CRMP1: variants seen among roughly 807,000 people sequenced by gnomAD.
The protein encoded by CRMP1 is dihydropyrimidinase-related protein 1.
CRMP1 carries 19 observed loss-of-function variants against 68.3 expected under a neutral mutation model. The observed-to-expected ratio is 0.28, with a 90% CI of 0.19 to 0.41. The LOEUF is 0.41. CRMP1 is among the 10% of genes least tolerant of loss of function. The pLI, the probability that CRMP1 is intolerant of heterozygous loss-of-function variation, is 1.00. For missense variants in CRMP1, 791 were observed against 967.4 expected (o/e 0.82, Z 2.42); for synonymous variants, 439 against 399.6 (o/e 1.10, Z -1.18).
At chr4:5,868,290 T>TATATATATATATATATATATATATATAG (rs1205965019) in intron 1 of CRMP1, among the ~76,000 whole-genome samples, 3 of 131,394 alleles carry the variant, frequency 2.3e-5, no homozygotes, top group Admixed American at 7.3e-5. Flanking sequence ...TATATATATA[T>TATATATATATATATATATATATATATAG]ATATATATAT....
At position 5,860,357 on chromosome 4, in the gene CRMP1, A is replaced by G. The variant is rs28538242; in HGVS notation, c.655+669T>C. Among the ~76,000 whole-genome samples, 4,888 of 152,260 alleles carry G rather than the reference A, an allele frequency of 0.032. 242 individuals are homozygous for G. The highest frequency in any genetic ancestry group is 0.11 in the African/African-American group (4,389 of 41,528). On this transcript the variant is annotated intron_variant, in intron 3 of 13. Coordinates refer to ENST00000324989, the MANE Select transcript of CRMP1 (RefSeq NM_001014809.3). This position sits in a 1 kb window ranked among gnomAD's most constrained non-coding sequence, Gnocchi z 4.2. ...AGAATGGGAGACCCATGGTGCCTGA[A>G]TCCAACCCAAAGCTAAGCACAGCCA...
Position 5,842,428 on chromosome 4 carries a change from C to CAAAAAAAAAAAAAAAA in CRMP1, c.1032+649_1032+664dup, listed in dbSNP as rs71171489. Among the ~76,000 whole-genome samples the CAAAAAAAAAAAAAAAA allele has an allele frequency of 1.0e-5, 1 of 99,102 alleles. No individual in the cohort carries two copies. The highest frequency in any genetic ancestry group is 3.6e-5 in the African/African-American group (1 of 27,942). 65.0% of individuals were successfully genotyped at this position (99,102 alleles called of 152,430 possible). A position where few individuals can be genotyped will look rare whatever the true frequency, so the allele number is the denominator to read the frequency against. On this transcript the variant is annotated intron_variant, in intron 7 of 13. Coordinates refer to ENST00000324989, the MANE Select transcript of CRMP1 (RefSeq NM_001014809.3). The surrounding 1 kb of genome is among the most constrained non-coding windows in gnomAD (Gnocchi z 4.5). ...TGGGCAACAGAGAGAGACTCCATCTCAAAAAAAAAAAAAAAAAAAGAAAAG... is the reference window on the plus strand; with the variant it reads ...TGGGCAACAGAGAGAGACTCCATCTCAAAAAAAAAAAAAAAAAAAAAAAAAAAAAAAAAAAGAAAAG...
At chr4:5,867,978 C>A (rs898645275) in intron 1 of CRMP1, among the ~76,000 whole-genome samples, 2 of 152,004 alleles carry the variant, frequency 1.3e-5, no homozygotes, top group Non-Finnish European at 2.9e-5. Context: ...AGATGATGTT[C>A]TCCAAGGGAT....
rs771764807 is a variant in CRMP1, at chr4:5,841,261, C to CT, written c.1153+46dup. The stretch of plus-strand genomic sequence containing the variant: ...TGAACTTGAACCTGCAGGACACCCC[C>CT]TTCCAGGCCCCAGCTGCCCCCAGAA... On this transcript the variant is annotated intron_variant, in intron 8 of 13. Transcript: ENST00000324989. This position sits in a 1 kb window ranked among gnomAD's most constrained non-coding sequence, Gnocchi z 6.9. 9.2e-5 allele frequency: 149 copies of CT among 1,613,426 alleles called. 1 individual carries two copies. The highest frequency in any genetic ancestry group is 4.2e-4 in the South Asian group (38 of 91,052).
rs1182458806 is a variant in CRMP1, at chr4:5,866,336, A to G, written c.470+332T>C. 6.6e-6 allele frequency among the ~76,000 whole-genome samples: 1 copy of G among 152,176 alleles called. No individual in the cohort carries two copies. The highest frequency in any genetic ancestry group is 1.9e-4 in the East Asian group (1 of 5,188). On this transcript the variant is annotated intron_variant, in intron 2 of 13. Coordinates refer to ENST00000324989, the MANE Select transcript of CRMP1 (RefSeq NM_001014809.3). This position sits in a 1 kb window ranked among gnomAD's most constrained non-coding sequence, Gnocchi z 5.9. ...CCTTGACCCTAACTCACCCCGTCAT[A>G]TGGGGCCAGGTACCCAGACTCATTG...
At position 5,841,492 on chromosome 4, in the gene CRMP1, A is replaced by T. The variant is rs1381918190; in HGVS notation, c.1033-64T>A. The T allele has an allele frequency of 2.5e-6, 4 of 1,596,852 alleles. No homozygotes were observed. Among genetic ancestry groups the T allele is most frequent in the Non-Finnish European group, 3.4e-6 (4 of 1,169,242 alleles). ...GGTGTAACAGCTACCACCCATCTCC[A>T]TTTTCCTTAATTGAATGTGATCAGA... On this transcript the variant is annotated intron_variant, in intron 7 of 13. Transcript: ENST00000324989. This position sits in a 1 kb window ranked among gnomAD's most constrained non-coding sequence, Gnocchi z 6.9.
At chr4:5,822,520 CTTAATT>C (rs1193921609) in intron 13 of CRMP1, among the ~76,000 whole-genome samples, 1 of 151,264 alleles carries the variant, frequency 6.6e-6, no homozygotes, top group Non-Finnish European at 1.5e-5. Context: ...TGCAGAGGTT[CTTAATT>C]TTAATCTTTC....
At chr4:5,876,617 T>G (rs1327992685) in intron 1 of CRMP1, among the ~76,000 whole-genome samples, 2 of 152,204 alleles carry the variant, frequency 1.3e-5, no homozygotes, top group African/African-American at 4.8e-5. Context: ...TGCTTTCTTT[T>G]AGAACAAAGG....
At position 5,860,670 on chromosome 4, in the gene CRMP1, TCTTTA is replaced by T. The variant is rs1713479906; in HGVS notation, c.655+351_655+355del. On this transcript the variant is annotated intron_variant, in intron 3 of 13. Coordinates refer to ENST00000324989, the MANE Select transcript of CRMP1 (RefSeq NM_001014809.3). The surrounding 1 kb of genome is among the most constrained non-coding windows in gnomAD (Gnocchi z 4.2). ...CTTTATCTCCCTATAATCCATGTCT[TCTTTA>T]CTTAATACTTTTCTTTAAACAAATT... 6.6e-6 allele frequency among the ~76,000 whole-genome samples: 1 copy of T among 152,036 alleles called. No homozygotes were observed. The highest frequency in any genetic ancestry group is 1.5e-5 in the Non-Finnish European group (1 of 68,014).
rs1034745810 is a variant in CRMP1, at chr4:5,849,334, C to A, written c.963+58G>T. 7.0e-6 allele frequency: 10 copies of A among 1,425,776 alleles called. No homozygotes were observed. In the South Asian group the frequency reaches 9.4e-5, roughly 13 times the overall value. 88.3% of individuals were successfully genotyped at this position (1,425,776 alleles called of 1,614,324 possible). Reference sequence around the variant, plus strand: ...ACTAACCAATGCTCTTTTATCAAACCTTTTGCAACAAGGAGAATCAGACTG... The same window carrying A: ...ACTAACCAATGCTCTTTTATCAAACATTTTGCAACAAGGAGAATCAGACTG... On this transcript the variant is annotated intron_variant, in intron 6 of 13. Transcript: ENST00000324989.
chr4:5,830,085 C>T (rs1223839736), intron 11 of CRMP1, among the ~76,000 whole-genome samples: 1 of 152,180 alleles, frequency 6.6e-6, no homozygotes, highest in Non-Finnish European at 1.5e-5. Flanking sequence ...TGGTTATTTG[C>T]ATCTGTGACT....
At chr4:5,828,746 A>C (rs1720079248) in intron 11 of CRMP1, 78 bp from the exon 12 acceptor site, 1 of 1,510,844 alleles carries the variant, frequency 6.6e-7, no homozygotes, top group Non-Finnish European at 9.0e-7. Flanking sequence ...GATTTTGCCT[A>C]ACATTATATC....
intron 1 of CRMP1, among the ~76,000 whole-genome samples, chr4:5,868,281 A>ATATATATATATATATATATC (rs1714165442): frequency 1.1e-5 from 1 of 89,144 alleles, no homozygotes; most frequent in African/African-American, 5.0e-5. Flanking sequence ...ATATATATAT[A>ATATATATATATATATATATC]TATATATATA....
intron 9 of CRMP1, among the ~76,000 whole-genome samples, chr4:5,837,460 T>TA (rs11455180): frequency 0.5 from 62,234 of 124,870 alleles, 15,814 homozygotes; most frequent in African/African-American, 0.66. Context: ...TTGTCTCTAC[T>TA]AAAAAAAAAA....
Position 5,889,003 on chromosome 4 carries a change from C to T in CRMP1, c.381+3586G>A, listed in dbSNP as rs2152477514. ...AATGCACCAAGCACTTTTTCCATCT[C>T]GGACCCCAAGCCTTTATTCACGCTG... On this transcript the variant is annotated intron_variant, in intron 1 of 13. Coordinates refer to ENST00000324989, the MANE Select transcript of CRMP1 (RefSeq NM_001014809.3). The surrounding 1 kb of genome is among the most constrained non-coding windows in gnomAD (Gnocchi z 4.5). Among the ~76,000 whole-genome samples, 1 of 152,140 alleles carries T rather than the reference C, an allele frequency of 6.6e-6. No individual in the cohort carries two copies. Among genetic ancestry groups the T allele is most frequent in the South Asian group, 2.1e-4 (1 of 4,816 alleles).
In CRMP1 at chr4:5,861,355, G is replaced by C. The variant is rs1011712017; in HGVS notation, c.471-145C>G. On this transcript the variant is annotated intron_variant, in intron 2 of 13. Transcript: ENST00000324989. This position sits in a 1 kb window ranked among gnomAD's most constrained non-coding sequence, Gnocchi z 6.0. ...GGGAGACAGAGATAACTCAGGCAGG[G>C]CACATGCCCTCAAGGGGCTCATAGT... The C allele has an allele frequency of 1.3e-6, 1 of 779,484 alleles. No homozygotes were observed. Among genetic ancestry groups the C allele is most frequent in the African/African-American group, 1.7e-5 (1 of 57,638 alleles). 48.3% of individuals were successfully genotyped at this position (779,484 alleles called of 1,614,324 possible). A position where few individuals can be genotyped will look rare whatever the true frequency, so the allele number is the denominator to read the frequency against.
At chr4:5,852,757 A>G (rs1712755621) in intron 4 of CRMP1, among the ~76,000 whole-genome samples, 2 of 152,204 alleles carry the variant, frequency 1.3e-5, no homozygotes, top group Admixed American at 6.5e-5. Context: ...TCAGCAAGTC[A>G]ATGGGCAAAG....
intron 1 of CRMP1, among the ~76,000 whole-genome samples, chr4:5,868,596 T>G (rs1714216991): frequency 6.6e-6 from 1 of 152,128 alleles, no homozygotes; most frequent in South Asian, 2.1e-4. Flanking sequence ...CCACCGCGCC[T>G]GGCCTCACTT....
In CRMP1 at chr4:5,853,467, G is replaced by A. The variant is rs1003141666; in HGVS notation, c.821-1998C>T. ...GTGTTGATGAGGATGTGGAGAAAAG[G>A]CAATTCCTGAGCACCGTTTGTGGGA... On this transcript the variant is annotated intron_variant, in intron 4 of 13. Coordinates refer to ENST00000324989, the MANE Select transcript of CRMP1 (RefSeq NM_001014809.3). This position sits in a 1 kb window ranked among gnomAD's most constrained non-coding sequence, Gnocchi z 4.7. Among the ~76,000 whole-genome samples, 1 of 152,158 alleles carries A rather than the reference G, an allele frequency of 6.6e-6. No individual in the cohort carries two copies. Among genetic ancestry groups the A allele is most frequent in the Admixed American group, 6.5e-5 (1 of 15,274 alleles).
Sources: gnomAD v4.1 joint callset for allele counts (sites outside exome capture counted in the v4.1 genomes callset) on GRCh38, gnomAD v4.1.1 for gene constraint, Gnocchi (gnomAD v3.1) non-coding constraint, MANE v1.5 for transcripts, NCBI Gene and HGNC (gene_info 2026-07-23, HGNC 2026-07-21) for gene names.